The following C3orf52 variants were observed in gnomAD, a reference collection of about 807,000 sequenced individuals.
C3orf52 encodes the protein TPA-induced transmembrane protein.
C3orf52 carries 22 observed loss-of-function variants against 24.8 expected under a neutral mutation model. The observed-to-expected ratio is 0.89, with a 90% CI of 0.63 to 1.27. The LOEUF (loss-of-function observed/expected upper bound fraction) is 1.27, where lower values mean the gene tolerates loss of function less well. Among genes scored for constraint, C3orf52 ranks in the 50% most tolerant of loss-of-function variants. The pLI is 0.00. For missense variants in C3orf52, 265 were observed against 260.7 expected (o/e 1.02, Z -0.11); for synonymous variants, 93 against 100.2 (o/e 0.93, Z 0.43).
downstream of C3orf52, chr3:112,135,199 G>C (rs2074538924): frequency 6.7e-6 from 1 of 148,568 alleles, no homozygotes. Context: ...GTATTTGATG[G>C]TTGTTTCCAG....
At chr3:112,131,183 T>C (rs1396053331), downstream of C3orf52, among the ~76,000 whole-genome samples, 1 of 152,194 alleles carries the variant, frequency 6.6e-6, no homozygotes. Flanking sequence ...ATATTTTTTA[T>C]ACTAATGAGG....
chr3:112,096,993 G>A (rs1229872317), intron 2 of C3orf52, among the ~76,000 whole-genome samples: 2 of 152,108 alleles, frequency 1.3e-5, no homozygotes, highest in Admixed American at 1.3e-4. Context: ...CAATCGACAT[G>A]GAAATTTTTT....
intron 5 of C3orf52, among the ~76,000 whole-genome samples, chr3:112,116,387 A>T (rs2074133434): frequency 6.6e-6 from 1 of 152,234 alleles, no homozygotes; most frequent in Admixed American, 6.5e-5. Flanking sequence ...AAACCACATC[A>T]TCAAAATTAT....
intron 2 of C3orf52, among the ~76,000 whole-genome samples, chr3:112,097,870 C>T (rs2073939380): frequency 6.6e-6 from 1 of 152,188 alleles, no homozygotes; most frequent in South Asian, 2.1e-4. Flanking sequence ...CTCTAAGCAT[C>T]CTCAGGTTCT....
At chr3:112,093,161 C>A (rs1213135097) in intron 1 of C3orf52, among the ~76,000 whole-genome samples, 199 bp from the exon 2 acceptor site, 1 of 152,196 alleles carries the variant, frequency 6.6e-6, no homozygotes, top group East Asian at 1.9e-4. Context: ...TCAGAGCCCC[C>A]AGAGGATTTT....
chr3:112,103,239 G>A (rs1018167010), intron 3 of C3orf52, among the ~76,000 whole-genome samples: 4 of 152,076 alleles, frequency 2.6e-5, no homozygotes, highest in Non-Finnish European at 4.4e-5. Context: ...AGGGAGAGGA[G>A]CAGGAAAAAA....
rs562250306 is a variant in C3orf52 at position 112,110,923 on chromosome 3, C to T, written c.467+1310C>T. The stretch of plus-strand genomic sequence containing the variant: ...CTTTGATCTCCTTCTTTAAAGACCC[C>T]CAATGGGCTGGGCATGGTGGCTTAC... On this transcript the variant is annotated intron_variant, in intron 4 of 5. Coordinates refer to ENST00000264848, the MANE Select transcript of C3orf52 (RefSeq NM_024616.3). Among the ~76,000 whole-genome samples, 5 of 152,212 alleles carry T rather than the reference C, an allele frequency of 3.3e-5. No individual in the cohort carries two copies. In the South Asian group the frequency reaches 8.3e-4, roughly 25 times the overall value.
At position 112,102,982 on chromosome 3, in the gene C3orf52, T is replaced by C; in HGVS notation, c.396+17T>C. The C allele has an allele frequency of 1.2e-6, 2 of 1,610,638 alleles. No individual in the cohort carries two copies. The highest frequency in any genetic ancestry group is 8.5e-7 in the Non-Finnish European group (1 of 1,178,120). On this transcript the variant is annotated intron_variant, in intron 3 of 5. Coordinates refer to ENST00000264848, the MANE Select transcript of C3orf52 (RefSeq NM_024616.3). ...ACCGAAAGGGTAATTCCATCTTATATATTGCCTAAGGAGTTCTTGACATTA... is the reference window on the plus strand; with the variant it reads ...ACCGAAAGGGTAATTCCATCTTATACATTGCCTAAGGAGTTCTTGACATTA...
In C3orf52 at chr3:112,112,945, G is replaced by A. The variant is rs1437683425; in HGVS notation, c.468-19G>A. 6.3e-7 allele frequency: 1 copy of A among 1,589,716 alleles called. No homozygotes were observed. The highest frequency in any genetic ancestry group is 1.7e-5 in the Admixed American group (1 of 57,872). On this transcript the variant is annotated intron_variant, in intron 4 of 5. Coordinates refer to ENST00000264848, the MANE Select transcript of C3orf52 (RefSeq NM_024616.3). ...AGTATGATGCTGTTTATGTTTTAAT[G>A]TCTTCCATTGCCTTTCAGTGGTGAA...
chr3:112,126,578 C>G (rs1228133132), intron 4 of C3orf52, among the ~76,000 whole-genome samples: 2 of 152,172 alleles, frequency 1.3e-5, no homozygotes, highest in Non-Finnish European at 2.9e-5. Flanking sequence ...CATACTTGCC[C>G]CCGCCTCCCC....
intron 3 of C3orf52, among the ~76,000 whole-genome samples, chr3:112,103,280 G>A (rs896115605): frequency 6.6e-6 from 1 of 152,166 alleles, no homozygotes; most frequent in African/African-American, 2.4e-5. Context: ...CTTAGTACCT[G>A]GGTGACAAAA....
chr3:112,096,735 C>A (rs1207575432), intron 2 of C3orf52, among the ~76,000 whole-genome samples: 2 of 152,054 alleles, frequency 1.3e-5, no homozygotes, highest in Non-Finnish European at 2.9e-5. Flanking sequence ...TATTTTTTCA[C>A]TCGAATTAAG....
chr3:112,130,707 T>C, downstream of C3orf52: 1 of 599,224 alleles, frequency 1.7e-6, no homozygotes, highest in Non-Finnish European at 3.0e-6. Context: ...ATGCTCTCCA[T>C]TGCCACAGCA....
chr3:112,133,163 T>C, downstream of C3orf52: 1 of 1,609,698 alleles, frequency 6.2e-7, no homozygotes, highest in Non-Finnish European at 8.5e-7. Flanking sequence ...CCTTTACCAC[T>C]TCCTTCTTGC....
At chr3:112,128,012 C>T (rs2074368442) in intron 4 of C3orf52, 1 of 1,612,952 alleles carries the variant, frequency 6.2e-7, no homozygotes, top group Non-Finnish European at 8.5e-7. Flanking sequence ...CAACTGTCCA[C>T]TCACCATGGA....
chr3:112,130,650 T>G (rs78709683), downstream of C3orf52: 18,155 of 749,826 alleles, frequency 0.024, 292 homozygotes, highest in Middle Eastern at 0.029. Flanking sequence ...TCACACATGT[T>G]AATACTGTTT....
At chr3:112,092,052 G>C (rs1185846565) in intron 1 of C3orf52, among the ~76,000 whole-genome samples, 1 of 152,024 alleles carries the variant, frequency 6.6e-6, no homozygotes, top group Non-Finnish European at 1.5e-5. Flanking sequence ...AGCAGGCCAG[G>C]TGGCCAGGTG....
intron 3 of C3orf52, among the ~76,000 whole-genome samples, chr3:112,103,486 C>A (rs2073996307): frequency 6.6e-6 from 1 of 152,182 alleles, no homozygotes; most frequent in South Asian, 2.1e-4. Context: ...TCCCTTAGGT[C>A]CTACATTTAA....
At chr3:112,125,988 G>T (rs2107803912) in intron 4 of C3orf52, among the ~76,000 whole-genome samples, 1 of 152,244 alleles carries the variant, frequency 6.6e-6, no homozygotes, top group Non-Finnish European at 1.5e-5. Context: ...GTCTACAGAG[G>T]AAGCTACCAT....
Sources: gnomAD v4.1 joint callset for allele counts (sites outside exome capture counted in the v4.1 genomes callset) on GRCh38, gnomAD v4.1.1 for gene constraint, MANE v1.5 for transcripts, NCBI Gene and HGNC (gene_info 2026-07-23, HGNC 2026-07-21) for gene names.